SMG1: variants seen among roughly 807,000 people sequenced by gnomAD.
The protein encoded by SMG1 is SMG1 nonsense mediated mRNA decay associated PI3K related kinase, also known as serine/threonine-protein kinase SMG1.
A neutral mutation model predicts 419.9 loss-of-function variants in SMG1; 22 were observed. The observed-to-expected ratio is 0.05, with a 90% CI of 0.04 to 0.07. SMG1 has a LOEUF of 0.07. Ranked by LOEUF, SMG1 falls within the 10% of genes least tolerant of loss-of-function variation. SMG1 has a pLI of 1.00. For missense variants in SMG1, 3,185 were observed against 4,342.0 expected, an observed-to-expected ratio of 0.73 and a Z score of 7.49; for synonymous variants, 1,538 against 1,553.5, an observed-to-expected ratio of 0.99 and a Z score of 0.23.
chr16:18,861,763 C>CA (rs1309028316), intron 25 of SMG1, among the ~76,000 whole-genome samples: 3 of 152,128 alleles, frequency 2.0e-5, no homozygotes, highest in African/African-American at 7.2e-5. Context: ...CCTATGCTTT[C>CA]AGCTAATGAC....
At chr16:18,847,030 C>T (rs1023063257) in intron 38 of SMG1, among the ~76,000 whole-genome samples, 1 of 150,122 alleles carries the variant, frequency 6.7e-6, no homozygotes, top group East Asian at 2.0e-4. Flanking sequence ...ACGGTATAAT[C>T]ATACAGTATT....
chr16:18,879,468 T>C (rs539903116), intron 11 of SMG1, 27 bp downstream of exon 11: 137 of 786,986 alleles, frequency 1.7e-4, no homozygotes, highest in Non-Finnish European at 2.7e-4. Context: ...ACCAACACAT[T>C]AAAAAGGAAA....
intron 51 of SMG1, among the ~76,000 whole-genome samples, chr16:18,830,920 A>G (rs960930368): frequency 2.0e-5 from 3 of 152,256 alleles, no homozygotes; most frequent in African/African-American, 4.8e-5. Context: ...TTCAGTGATC[A>G]GTCTCATTTT....
At chr16:18,844,507 ACACACACACACACACG>A (rs2034133356) in intron 39 of SMG1, among the ~76,000 whole-genome samples, 1 of 115,864 alleles carries the variant, frequency 8.6e-6, no homozygotes, top group African/African-American at 3.6e-5. Flanking sequence ...ACACACACAC[ACACACACACACACACG>A]GAAACTCGAG....
chr16:18,906,357 C>T (rs2037561633), intron 1 of SMG1, among the ~76,000 whole-genome samples: 1 of 152,052 alleles, frequency 6.6e-6, no homozygotes. Context: ...GTGGTGCGCA[C>T]CTGTAATTCC....
At chr16:18,843,964 A>G (rs2034076022) in intron 39 of SMG1, among the ~76,000 whole-genome samples, 1 of 152,114 alleles carries the variant, frequency 6.6e-6, no homozygotes, top group Non-Finnish European at 1.5e-5. Context: ...TTTTAAAATT[A>G]TTCTTTAAAT....
rs58373081 is a variant in SMG1, at chr16:18,849,069, C to CA, written c.5623+147dup. The CA allele has an allele frequency of 5.8e-4, 66 of 114,046 alleles. 7 individuals are homozygous for CA. Among genetic ancestry groups the CA allele is most frequent in the African/African-American group, 2.2e-3 (29 of 13,178 alleles). 7.1% of individuals were successfully genotyped at this position (114,046 alleles called of 1,614,324 possible). ...TGGGTGACAGAGTGAGACTCCATCT[C>CA]AAAAAAAAAAAAAAAAAAAAAAAAA... On this transcript the variant is annotated intron_variant, in intron 36 of 62. Coordinates refer to ENST00000446231, the MANE Select transcript of SMG1 (RefSeq NM_015092.5).
Position 18,919,633 on chromosome 16 carries a change from A to ATGTGT in SMG1, c.92+6316_92+6317insACACA, listed in dbSNP as rs1567466538. Among the ~76,000 whole-genome samples, 17 of 96,308 alleles carry ATGTGT rather than the reference A, an allele frequency of 1.8e-4. No homozygotes were observed. The South Asian group carries it at 2.5e-3, about 14-fold the overall frequency. The allele number at this position is 96,308 out of a possible 152,430, so 63.2% of individuals were successfully genotyped here. Reference sequence around the variant, plus strand: ...AGCAACACTCCGTCTCAAAAAAAAAAATGTGTGTGTGTGTGTGTATATATA... The same window carrying ATGTGT: ...AGCAACACTCCGTCTCAAAAAAAAAATGTGTATGTGTGTGTGTGTGTGTATATATA... On this transcript the variant is annotated intron_variant, in intron 1 of 62. Coordinates refer to ENST00000446231, the MANE Select transcript of SMG1 (RefSeq NM_015092.5).
intron 1 of SMG1, among the ~76,000 whole-genome samples, chr16:18,904,341 A>G (rs1471046073): frequency 6.6e-6 from 1 of 151,834 alleles, no homozygotes; most frequent in Non-Finnish European, 1.5e-5. Context: ...CAAAAAACAA[A>G]AAACAAAAAA....
chr16:18,836,674 TTC>T (rs573962570), intron 46 of SMG1, 142 bp from the exon 47 acceptor site: 65 of 792,382 alleles, frequency 8.2e-5, no homozygotes, highest in Admixed American at 7.5e-4. Flanking sequence ...TGTCCCTTAC[TTC>T]TCTGTTTTTC....
chr16:18,900,948 G>A (rs1274356251), intron 1 of SMG1, among the ~76,000 whole-genome samples: 1 of 152,126 alleles, frequency 6.6e-6, no homozygotes, highest in East Asian at 1.9e-4. Flanking sequence ...ATAACCCTGG[G>A]CCTTGTATCA....
At chr16:18,872,975 G>A (rs563870520) in intron 13 of SMG1, among the ~76,000 whole-genome samples, 41 of 152,056 alleles carry the variant, frequency 2.7e-4, no homozygotes, top group South Asian at 1.9e-3. Context: ...GCAACACAGC[G>A]GGACCCCATC....
At chr16:18,878,584 G>A (rs1367058048) in intron 11 of SMG1, 1 of 149,858 alleles carries the variant, frequency 6.7e-6, no homozygotes, top group Non-Finnish European at 1.5e-5. Context: ...TCCAACCAGG[G>A]GAATACAGCA....
intron 4 of SMG1, 108 bp downstream of exon 4, chr16:18,892,110 G>T (rs190478687): frequency 3.6e-6 from 3 of 826,648 alleles, no homozygotes; most frequent in East Asian, 2.7e-5. Context: ...TTAAGTTCTC[G>T]ATCATCATAA....
intron 46 of SMG1, 105 bp from the exon 47 acceptor site, chr16:18,836,637 T>C: frequency 8.3e-7 from 1 of 1,198,192 alleles, no homozygotes; most frequent in Non-Finnish European, 1.2e-6. Flanking sequence ...GGTACGCTCC[T>C]TGTTCACCTT....
chr16:18,854,899 T>C lies in SMG1; in HGVS notation c.4240A>G (p.Thr1414Ala). The C allele has an allele frequency of 6.2e-7, 1 of 1,613,490 alleles. No individual in the cohort carries two copies. The highest frequency in any genetic ancestry group is 8.5e-7 in the Non-Finnish European group (1 of 1,179,750). Residue 1414 changes from threonine to alanine, a missense_variant, in exon 30 of 63, where the codon ACA (threonine) becomes GCA (alanine). Coordinates refer to ENST00000446231, the MANE Select transcript of SMG1 (RefSeq NM_015092.5). Reference sequence around the variant, plus strand: ...ATGAGATGGCTTCTAATTGGGACTGTTTGTTCTGAAGAGAGGAAAACGTTT... The same window carrying C: ...ATGAGATGGCTTCTAATTGGGACTGCTTGTTCTGAAGAGAGGAAAACGTTT... Reference protein sequence around the residue: ...NQLLEKIKEQTVPIRSHLMEL... With the variant: ...NQLLEKIKEQAVPIRSHLMEL...
chr16:18,914,740 T>G (rs1424305378), intron 1 of SMG1, among the ~76,000 whole-genome samples: 2 of 152,060 alleles, frequency 1.3e-5, no homozygotes, highest in Non-Finnish European at 2.9e-5. Flanking sequence ...GGCACGCAAC[T>G]GACAAGAAGT....
chr16:18,915,428 C>T (rs1596656806), intron 1 of SMG1, among the ~76,000 whole-genome samples: 1 of 152,164 alleles, frequency 6.6e-6, no homozygotes, highest in Non-Finnish European at 1.5e-5. Context: ...CCTACAAGAA[C>T]AGTGTTGTAA....
At chr16:18,850,917 C>T (rs567868298) in intron 33 of SMG1, among the ~76,000 whole-genome samples, 84 of 152,252 alleles carry the variant, frequency 5.5e-4, no homozygotes, top group Non-Finnish European at 1.1e-3. Flanking sequence ...CCACGCCCTG[C>T]TGTTTTTTTG....
Sources: gnomAD v4.1 joint callset for allele counts (sites outside exome capture counted in the v4.1 genomes callset) on GRCh38, gnomAD v4.1.1 for gene constraint, MANE v1.5 for transcripts, NCBI Gene and HGNC (gene_info 2026-07-23, HGNC 2026-07-21) for gene names.